CSMD1: variants seen among roughly 807,000 people sequenced by gnomAD.
CSMD1 encodes CUB and Sushi multiple domains 1.
Under a neutral mutation model 417.5 loss-of-function variants are expected in CSMD1, and 213 were observed. The ratio of observed to expected loss-of-function variants is 0.51; its 90% confidence interval spans 0.46 to 0.57. The LOEUF (loss-of-function observed/expected upper bound fraction) is 0.57. CSMD1 is among the 20% of genes least tolerant of loss of function. The pLI is 0.00. For missense variants in CSMD1, 6,923 were observed against 4,529.7 expected (o/e 1.53, Z -15.17); for synonymous variants, 2,862 against 1,736.8 (o/e 1.65, Z -16.11).
chr8:4,275,895 T>G (rs1264983989), intron 3 of CSMD1, among the ~76,000 whole-genome samples: 2 of 152,200 alleles, frequency 1.3e-5, no homozygotes, highest in African/African-American at 2.4e-5. Context: ...ATAAATTAAC[T>G]TGCACAAAAA....
chr8:3,008,499 G>C (rs1196428637), intron 52 of CSMD1, among the ~76,000 whole-genome samples: 3 of 152,200 alleles, frequency 2.0e-5, no homozygotes, highest in Admixed American at 1.3e-4. Context: ...CACTGCACAG[G>C]TCTTTTAGTG....
intron 1 of CSMD1, among the ~76,000 whole-genome samples, chr8:4,892,068 G>A (rs1405836342): frequency 6.6e-6 from 1 of 152,120 alleles, no homozygotes. Context: ...AGTAGAAGGT[G>A]CGGGAGGTAG....
Position 3,740,612 on chromosome 8 carries a change from G to A in CSMD1, c.931+13318C>T, listed in dbSNP as rs76224266. ...GAGGACGAGCAGGGGCTGAGGTAGT[G>A]TGATTTGATGCTGGTAAAGAGACAA... On this transcript the variant is annotated intron_variant, in intron 6 of 69. Transcript: ENST00000635120. 7.9e-3 allele frequency among the ~76,000 whole-genome samples: 1,197 copies of A among 152,256 alleles called. 13 individuals carry two copies. Among genetic ancestry groups the A allele is most frequent in the Middle Eastern group, 0.034 (10 of 294 alleles).
At chr8:4,527,138 A>G (rs1175801047) in intron 2 of CSMD1, among the ~76,000 whole-genome samples, 2 of 152,170 alleles carry the variant, frequency 1.3e-5, no homozygotes, top group Non-Finnish European at 2.9e-5. Flanking sequence ...TTTTTCAAGA[A>G]AGTTAAGTTA....
rs1434725364 is a variant in CSMD1, at chr8:3,482,621, T to A, written c.1448+11002A>T. Among the ~76,000 whole-genome samples, 3 of 152,194 alleles carry A rather than the reference T, an allele frequency of 2.0e-5. No individual in the cohort carries two copies. The East Asian group carries it at 5.8e-4, about 29-fold the overall frequency. ...CAGGCAGAAAATATCACAAAGGATA[T>A]TCAATCAACCAACAGGATCTAACTG... is the stretch of plus-strand genomic sequence containing the variant. On this transcript the variant is annotated intron_variant, in intron 11 of 69. Coordinates refer to ENST00000635120, the MANE Select transcript of CSMD1 (RefSeq NM_033225.6).
chr8:4,806,791 C>G (rs540248370), intron 1 of CSMD1, among the ~76,000 whole-genome samples: 2 of 152,224 alleles, frequency 1.3e-5, no homozygotes, highest in African/African-American at 4.8e-5. Flanking sequence ...CCTGTGACAA[C>G]CTTAAATTCT....
intron 10 of CSMD1, among the ~76,000 whole-genome samples, chr8:3,554,878 T>C (rs1470525283): frequency 2.0e-5 from 3 of 152,074 alleles, no homozygotes; most frequent in Non-Finnish European, 4.4e-5. Flanking sequence ...CCCCCTGCAG[T>C]GGTGAGAGTG....
rs578149678 is a variant in CSMD1, at chr8:3,174,814, T to A, written c.5725+6296A>T. On this transcript the variant is annotated intron_variant, in intron 37 of 69. Coordinates refer to ENST00000635120, the MANE Select transcript of CSMD1 (RefSeq NM_033225.6). ...AAAATTTTTTCCATTAAATTTTTTT[T>A]TATTGTACACACTTTTTTTATGTTG... 2.6e-5 allele frequency among the ~76,000 whole-genome samples: 4 copies of A among 152,322 alleles called. No homozygotes were observed. The East Asian group carries it at 7.7e-4, about 29-fold the overall frequency.
At chr8:3,981,287 A>C (rs1813841345) in intron 5 of CSMD1, among the ~76,000 whole-genome samples, 1 of 152,142 alleles carries the variant, frequency 6.6e-6, no homozygotes, top group Admixed American at 6.6e-5. Context: ...TGTGGGAGCT[A>C]AGCTATGAGG....
At chr8:4,591,904 C>G (rs1273165267) in intron 2 of CSMD1, among the ~76,000 whole-genome samples, 1 of 152,030 alleles carries the variant, frequency 6.6e-6, no homozygotes, top group Admixed American at 6.6e-5. Context: ...GTTGGGCAGA[C>G]ATTCTGAGGG....
intron 5 of CSMD1, chr8:3,949,947 G>T (rs756086429): frequency 2.0e-5 from 9 of 455,870 alleles, no homozygotes; most frequent in Non-Finnish European, 3.5e-5. Context: ...CACATGGAGA[G>T]GTTCATGCCA....
intron 5 of CSMD1, among the ~76,000 whole-genome samples, chr8:3,799,040 T>A (rs763151798): frequency 2.0e-5 from 3 of 152,008 alleles, no homozygotes; most frequent in Non-Finnish European, 2.9e-5. Flanking sequence ...AAGTTAACAA[T>A]CTTTGTATAG....
intron 52 of CSMD1, among the ~76,000 whole-genome samples, chr8:3,004,656 C>T (rs972310213): frequency 6.6e-6 from 1 of 152,188 alleles, no homozygotes; most frequent in East Asian, 1.9e-4. Flanking sequence ...AATTCAATTA[C>T]TACCACACTT....
chr8:3,177,072 C>T (rs954149026), intron 37 of CSMD1, among the ~76,000 whole-genome samples: 3 of 152,090 alleles, frequency 2.0e-5, no homozygotes, highest in Non-Finnish European at 1.5e-5. Context: ...GCAACCATGC[C>T]CAGCTTGGTG....
intron 25 of CSMD1, among the ~76,000 whole-genome samples, chr8:3,291,511 A>C (rs1350161406): frequency 6.6e-6 from 1 of 152,048 alleles, no homozygotes; most frequent in South Asian, 2.1e-4. Flanking sequence ...AGACCCTGTT[A>C]TTGGTCTATT....
chr8:2,973,117 C>T lies in CSMD1; in HGVS notation c.8923G>A (p.Ala2975Thr), dbSNP rs1283237773. 6.2e-7 allele frequency: 1 copy of T among 1,612,864 alleles called. No individual in the cohort carries two copies. Among genetic ancestry groups the T allele is most frequent in the East Asian group, 2.2e-5 (1 of 44,848 alleles). The change falls in exon 57 of 70, where the codon GCC becomes ACC. Residue 2975 changes from alanine to threonine, a missense_variant and splice_region_variant. Transcript: ENST00000635120. ...SWSGLQPVCE[A>T]VSCGNPGTPT... is the part of the protein sequence containing the mutation. ...GACCTTAAGGCTTCTGGCTACTCAC[C>T]CTCACACACCGGCTGCAGTCCTGAC...
At chr8:3,478,340 C>T (rs796758255) in intron 11 of CSMD1, among the ~76,000 whole-genome samples, 26 of 152,328 alleles carry the variant, frequency 1.7e-4, no homozygotes, top group African/African-American at 5.3e-4. Flanking sequence ...TAAAGCCCAA[C>T]GTGATGCTAC....
intron 5 of CSMD1, among the ~76,000 whole-genome samples, chr8:3,990,619 G>C (rs2627374): frequency 0.3 from 46,140 of 152,058 alleles, 7,619 homozygotes; most frequent in East Asian, 0.49. Flanking sequence ...TAACTTTATT[G>C]AAACTCTGGT....
rs1289498273 is a variant in CSMD1 at position 4,513,649 on chromosome 8, G to C, written c.303-93584C>G. On this transcript the variant is annotated intron_variant, in intron 2 of 69. Coordinates refer to ENST00000635120, the MANE Select transcript of CSMD1 (RefSeq NM_033225.6). ...ATGAAACAATGAAGTTAAAGGAAGA[G>C]TTCTTTGCACTTGTACTCATAATTG... Among the ~76,000 whole-genome samples, 3 of 152,190 alleles carry C rather than the reference G, an allele frequency of 2.0e-5. No homozygotes were observed. In the East Asian group the frequency reaches 5.8e-4, roughly 29 times the overall value.
Sources: gnomAD v4.1 joint callset for allele counts (sites outside exome capture counted in the v4.1 genomes callset) on GRCh38, gnomAD v4.1.1 for gene constraint, MANE v1.5 for transcripts, NCBI Gene and HGNC (gene_info 2026-07-23, HGNC 2026-07-21) for gene names.